The following DPYSL5 variants were observed in gnomAD, a reference collection of about 807,000 sequenced individuals.
The protein encoded by DPYSL5 is dihydropyrimidinase like 5.
DPYSL5 carries 9 observed loss-of-function variants against 58.4 expected under a neutral mutation model. The observed-to-expected ratio is 0.15, with a 90% CI of 0.09 to 0.27. DPYSL5 has a LOEUF of 0.27. DPYSL5 is among the 10% of genes least tolerant of loss of function. The probability of loss-of-function intolerance (pLI) is 1.00; values close to 1 mark genes in which losing one functional copy is unlikely to be tolerated. For missense variants in DPYSL5, 499 were observed against 770.6 expected (o/e 0.65, Z 4.17); for synonymous variants, 293 against 301.9 (o/e 0.97, Z 0.31).
At chr2:26,921,433 C>T (rs1664699798) in intron 2 of DPYSL5, among the ~76,000 whole-genome samples, 1 of 151,602 alleles carries the variant, frequency 6.6e-6, no homozygotes, top group South Asian at 2.1e-4. Context: ...TCAGCAATCA[C>T]ATGTTCTTAA....
At chr2:26,864,877 T>C (rs1666103136) in intron 1 of DPYSL5, among the ~76,000 whole-genome samples, 1 of 152,084 alleles carries the variant, frequency 6.6e-6, no homozygotes, top group Admixed American at 6.5e-5. Flanking sequence ...ACTCTTCGCC[T>C]TTGGGGTCTA....
chr2:26,934,724 C>T lies in DPYSL5; in HGVS notation c.937C>T (p.Leu313=). 1 of 1,614,158 alleles carries T rather than the reference C, an allele frequency of 6.2e-7. No homozygotes were observed. Among genetic ancestry groups the T allele is most frequent in the Non-Finnish European group, 8.5e-7 (1 of 1,180,016 alleles). Residue 313 remains leucine (L), a synonymous_variant, in exon 8 of 13, where the codon CTG becomes TTG. Coordinates refer to ENST00000288699, the MANE Select transcript of DPYSL5 (RefSeq NM_020134.4). This position sits in a 1 kb window ranked among gnomAD's most constrained non-coding sequence, Gnocchi z 4.3. ...DTNTSTYLMS[L]LANDTLNIVA... is the part of the protein sequence containing the mutation. ...CAACACCTCAACCTACCTCATGAGC[C>T]TGCTGGCCAAGTAAGGCGTTTCAGC...
intron 1 of DPYSL5, among the ~76,000 whole-genome samples, chr2:26,890,697 A>G (rs934926427): frequency 3.3e-5 from 5 of 152,230 alleles, no homozygotes; most frequent in African/African-American, 1.2e-4. Context: ...AAAATACCAC[A>G]GACTGGGTGG....
At chr2:26,854,257 G>A (rs956079982) in intron 1 of DPYSL5, among the ~76,000 whole-genome samples, 2 of 151,944 alleles carry the variant, frequency 1.3e-5, no homozygotes, top group Admixed American at 6.6e-5. Context: ...TCAGGAGTTC[G>A]AGACCAGCCT....
In DPYSL5 at chr2:26,949,377, G is replaced by A. The variant is rs559685735; in HGVS notation, c.*2382G>A. 1 of 152,566 alleles carries A rather than the reference G, an allele frequency of 6.6e-6. No individual in the cohort carries two copies. The highest frequency in any genetic ancestry group is 1.9e-4 in the East Asian group (1 of 5,196). 9.5% of individuals were successfully genotyped at this position (152,566 alleles called of 1,614,324 possible). A position where few individuals can be genotyped will look rare whatever the true frequency, so the allele number is the denominator to read the frequency against. ...AGGTGGTCAGCCGGGGAGCAGAGGT[G>A]GCGAAGGGGCTCATGGCAAGTGGCA... On this transcript the variant is annotated 3_prime_UTR_variant, in exon 13 of 13. Transcript: ENST00000288699.
rs1488203475 is a variant in DPYSL5 at position 26,849,795 on chromosome 2, G to A, written c.-5+1541G>A. 6.6e-6 allele frequency among the ~76,000 whole-genome samples: 1 copy of A among 152,208 alleles called. No individual in the cohort carries two copies. The highest frequency in any genetic ancestry group is 1.5e-5 in the Non-Finnish European group (1 of 68,026). On this transcript the variant is annotated intron_variant, in intron 1 of 12. Coordinates refer to ENST00000288699, the MANE Select transcript of DPYSL5 (RefSeq NM_020134.4). This position sits in a 1 kb window ranked among gnomAD's most constrained non-coding sequence, Gnocchi z 6.2. Reference sequence around the variant, plus strand: ...GCACGTGCTGGCTTTGGGGTTTTATGGGGGCCTGGCCACGCCGGGAATCCC... The same window carrying A: ...GCACGTGCTGGCTTTGGGGTTTTATAGGGGCCTGGCCACGCCGGGAATCCC...
At chr2:26,882,447 G>T (rs1465582957) in intron 1 of DPYSL5, among the ~76,000 whole-genome samples, 1 of 151,562 alleles carries the variant, frequency 6.6e-6, no homozygotes, top group Admixed American at 6.6e-5. Flanking sequence ...GTGTGTGTGT[G>T]TGTGTGTGTA....
chr2:26,867,107 A>C (rs1666163323), intron 1 of DPYSL5, among the ~76,000 whole-genome samples: 1 of 152,142 alleles, frequency 6.6e-6, no homozygotes. Flanking sequence ...TAACCAACAT[A>C]AACTGGGGTG....
At chr2:26,879,743 A>G (rs1336121079) in intron 1 of DPYSL5, among the ~76,000 whole-genome samples, 1 of 152,052 alleles carries the variant, frequency 6.6e-6, no homozygotes, top group Non-Finnish European at 1.5e-5. Flanking sequence ...CTTCCAACTG[A>G]TCTAAAGGAT....
At position 26,915,414 on chromosome 2, in the gene DPYSL5, C is replaced by T. The variant is rs556874982; in HGVS notation, c.262-9473C>T. On this transcript the variant is annotated intron_variant, in intron 2 of 12. Transcript: ENST00000288699. Reference sequence around the variant, plus strand: ...GAATTGAACTGCATTTCTAACAAACCGAGTAATGCAAATGTCGCTCTGAGC... The same window carrying T: ...GAATTGAACTGCATTTCTAACAAACTGAGTAATGCAAATGTCGCTCTGAGC... Among the ~76,000 whole-genome samples the T allele has an allele frequency of 1.6e-4, 24 of 152,296 alleles. No individual in the cohort carries two copies. In the South Asian group the frequency reaches 4.4e-3, roughly 28 times the overall value.
At chr2:26,941,793 G>A (rs1211526246) in intron 9 of DPYSL5, among the ~76,000 whole-genome samples, 157 bp from the exon 10 acceptor site, 1 of 152,198 alleles carries the variant, frequency 6.6e-6, no homozygotes, top group Non-Finnish European at 1.5e-5. Context: ...AGCCAAGCAG[G>A]CTGGCTCATC....
chr2:26,894,211 C>T (rs1370669635), intron 1 of DPYSL5, among the ~76,000 whole-genome samples: 3 of 151,868 alleles, frequency 2.0e-5, no homozygotes, highest in Non-Finnish European at 4.4e-5. Context: ...TCTGAGTTGC[C>T]CTCAGCACTG....
At chr2:26,896,724 G>A (rs1432339904) in intron 1 of DPYSL5, among the ~76,000 whole-genome samples, 1 of 152,172 alleles carries the variant, frequency 6.6e-6, no homozygotes, top group Non-Finnish European at 1.5e-5. Flanking sequence ...TTTTTAAATT[G>A]AGTTGTTTTC....
At chr2:26,937,714 A>G (rs1410155262) in intron 8 of DPYSL5, among the ~76,000 whole-genome samples, 2 of 151,766 alleles carry the variant, frequency 1.3e-5, no homozygotes, top group South Asian at 4.2e-4. Flanking sequence ...CTGGGGCTAC[A>G]CGTGTGCACC....
At chr2:26,932,189 A>AAGAAAGAT (rs1553321124) in intron 6 of DPYSL5, among the ~76,000 whole-genome samples, 3 of 72,152 alleles carry the variant, frequency 4.2e-5, no homozygotes, top group African/African-American at 1.5e-4. Context: ...GAAAGAAAGA[A>AAGAAAGAT]AGAAAGAAAG....
intron 2 of DPYSL5, among the ~76,000 whole-genome samples, chr2:26,908,779 T>C (rs1302988825): frequency 1.3e-5 from 2 of 152,230 alleles, no homozygotes; most frequent in East Asian, 3.8e-4. Flanking sequence ...TGTCATCCAC[T>C]GGAATTTATA....
At chr2:26,904,351 A>G (rs570667907) in intron 2 of DPYSL5, among the ~76,000 whole-genome samples, 2 of 152,214 alleles carry the variant, frequency 1.3e-5, no homozygotes, top group Non-Finnish European at 2.9e-5. Context: ...CGTGGAATGA[A>G]GCCTATAAAT....
At chr2:26,873,447 T>A (rs1663323149) in intron 1 of DPYSL5, among the ~76,000 whole-genome samples, 1 of 152,130 alleles carries the variant, frequency 6.6e-6, no homozygotes, top group South Asian at 2.1e-4. Context: ...TCTGGAGACA[T>A]TTTTGGTTGT....
intron 2 of DPYSL5, among the ~76,000 whole-genome samples, chr2:26,903,350 A>T (rs944686477): frequency 5.3e-5 from 8 of 152,134 alleles, no homozygotes; most frequent in African/African-American, 1.9e-4. Context: ...CTACTTTCTT[A>T]AGAAACTTGC....
Sources: allele counts gnomAD v4.1 joint callset (sites outside exome capture counted in the v4.1 genomes callset), GRCh38; gene constraint gnomAD v4.1.1; non-coding constraint Gnocchi (gnomAD v3.1); transcripts MANE v1.5; gene names NCBI Gene and HGNC (gene_info 2026-07-23, HGNC 2026-07-21).